The following COMMD1 variants were observed in gnomAD, a reference collection of about 807,000 sequenced individuals.
COMMD1 encodes the protein copper metabolism domain containing 1, also known as COMM domain-containing protein 1.
Under a neutral mutation model 17.2 loss-of-function variants are expected in COMMD1, and 10 were observed. The observed-to-expected ratio is 0.58, with a 90% CI of 0.36 to 0.99. The LOEUF is 0.99. Among genes scored for constraint, COMMD1 ranks in the 50% least tolerant of loss-of-function variants. The pLI, the probability that COMMD1 is intolerant of heterozygous loss-of-function variation, is 0.01. For synonymous variants in COMMD1, 97 were observed against 91.6 expected (o/e 1.06, Z -0.34); for missense variants, 270 against 231.8 (o/e 1.17, Z -1.07).
chr2:62,057,694 C>T (rs557951729), intron 2 of COMMD1, among the ~76,000 whole-genome samples: 3 of 151,942 alleles, frequency 2.0e-5, no homozygotes, highest in Admixed American at 6.6e-5. Flanking sequence ...TTCAGCCTCC[C>T]GAGTAGCTGG....
chr2:61,956,551 A>G (rs1469796114), intron 1 of COMMD1, among the ~76,000 whole-genome samples: 1 of 151,792 alleles, frequency 6.6e-6, no homozygotes, highest in Non-Finnish European at 1.5e-5. Flanking sequence ...CTGGGATTAC[A>G]GGTGCGCACC....
chr2:62,084,998 A>C (rs1671620268), intron 2 of COMMD1: 1 of 152,226 alleles, frequency 6.6e-6, no homozygotes, highest in Non-Finnish European at 1.5e-5. Flanking sequence ...AGAGCTATAA[A>C]AACATTATCT....
chr2:62,108,218 A>G (rs1286970739), intron 2 of COMMD1, among the ~76,000 whole-genome samples: 4 of 152,212 alleles, frequency 2.6e-5, no homozygotes, highest in Non-Finnish European at 5.9e-5. Context: ...TTTTAAATAC[A>G]TAACTCATCC....
intron 2 of COMMD1, among the ~76,000 whole-genome samples, chr2:62,027,518 A>G (rs1669791455): frequency 1.3e-5 from 2 of 152,180 alleles, no homozygotes; most frequent in South Asian, 4.1e-4. Flanking sequence ...TTAGAACTGT[A>G]TTGAATATGG....
At position 61,986,564 on chromosome 2, in the gene COMMD1, C is replaced by CTTTT. The variant is rs70946773; in HGVS notation, c.181-14119_181-14116dup. On this transcript the variant is annotated intron_variant, in intron 1 of 2. Coordinates refer to ENST00000311832, the MANE Select transcript of COMMD1 (RefSeq NM_152516.4). Reference sequence around the variant, plus strand: ...TCTAAATAATCTCGTAGGCATCATTCTTTTTTTTTTTTTTTTTTTTTGGAG... The same window carrying CTTTT: ...TCTAAATAATCTCGTAGGCATCATTCTTTTTTTTTTTTTTTTTTTTTTTTTGGAG... Among the ~76,000 whole-genome samples the CTTTT allele has an allele frequency of 2.2e-3, 210 of 94,400 alleles. 2 individuals carry two copies. The highest frequency in any genetic ancestry group is 2.9e-3 in the Non-Finnish European group (134 of 45,474). The allele number at this position is 94,400 out of a possible 152,430, so 61.9% of individuals were successfully genotyped here.
intron 1 of COMMD1, among the ~76,000 whole-genome samples, chr2:61,949,425 T>G (rs1215589977): frequency 6.6e-6 from 1 of 152,152 alleles, no homozygotes; most frequent in African/African-American, 2.4e-5. Context: ...AAGCCTTAGA[T>G]TCTAACCCAG....
intron 2 of COMMD1, among the ~76,000 whole-genome samples, chr2:62,056,786 A>T (rs900234889): frequency 5.9e-5 from 9 of 152,226 alleles, no homozygotes; most frequent in African/African-American, 2.2e-4. Flanking sequence ...CCATTTGTGA[A>T]TAAGCCAGTG....
intron 1 of COMMD1, among the ~76,000 whole-genome samples, chr2:61,928,231 C>G (rs573924889): frequency 7.2e-5 from 11 of 152,160 alleles, no homozygotes; most frequent in African/African-American, 2.6e-4. Context: ...GGTACAATCT[C>G]GGCACATTAC....
chr2:62,135,109 C>A (rs574943227), intron 2 of COMMD1, among the ~76,000 whole-genome samples: 1 of 152,268 alleles, frequency 6.6e-6, no homozygotes, highest in South Asian at 2.1e-4. Context: ...TCGGCGTCAT[C>A]CAGAGCTGAG....
intron 2 of COMMD1, among the ~76,000 whole-genome samples, chr2:62,041,182 CATATA>C (rs1004322626): frequency 2.6e-5 from 4 of 152,314 alleles, no homozygotes; most frequent in Admixed American, 6.5e-5. Flanking sequence ...CATCATCTAA[CATATA>C]ATATGTTTCA....
chr2:62,083,154 C>T (rs1277004942), intron 2 of COMMD1, among the ~76,000 whole-genome samples: 1 of 152,022 alleles, frequency 6.6e-6, no homozygotes, highest in East Asian at 1.9e-4. Flanking sequence ...ATCTACTCGA[C>T]ATAATGCCTA....
intron 1 of COMMD1, among the ~76,000 whole-genome samples, chr2:61,974,809 A>AT (rs1558543864): frequency 6.6e-6 from 1 of 152,022 alleles, no homozygotes; most frequent in Non-Finnish European, 1.5e-5. Flanking sequence ...AGTTTCCCCT[A>AT]TTAATATCTT....
intron 1 of COMMD1, among the ~76,000 whole-genome samples, chr2:61,931,063 G>A (rs954507586): frequency 2.6e-5 from 4 of 152,044 alleles, no homozygotes; most frequent in South Asian, 2.1e-4. Context: ...TGTAATCCTC[G>A]CACTTTGGGA....
chr2:61,973,423 G>A (rs1478539444), intron 1 of COMMD1, among the ~76,000 whole-genome samples: 1 of 152,128 alleles, frequency 6.6e-6, no homozygotes, highest in Non-Finnish European at 1.5e-5. Context: ...ATTCACTATC[G>A]TGGGGCATTT....
intron 2 of COMMD1, among the ~76,000 whole-genome samples, chr2:62,117,380 C>T (rs1672636953): frequency 1.3e-5 from 2 of 152,176 alleles, no homozygotes; most frequent in East Asian, 3.8e-4. Context: ...TTAAAGTTAA[C>T]TGAATCTTAG....
At chr2:62,115,254 A>G (rs911164899) in intron 2 of COMMD1, among the ~76,000 whole-genome samples, 2 of 152,260 alleles carry the variant, frequency 1.3e-5, no homozygotes, top group African/African-American at 4.8e-5. Context: ...TTCAAAGCCC[A>G]TGTTCACTAA....
At chr2:61,987,454 G>A (rs1035169512) in intron 1 of COMMD1, among the ~76,000 whole-genome samples, 1 of 152,144 alleles carries the variant, frequency 6.6e-6, no homozygotes, top group African/African-American at 2.4e-5. Context: ...GTACCACCTT[G>A]GTGGTCTTGG....
At chr2:62,070,704 A>G (rs1225891055) in intron 2 of COMMD1, among the ~76,000 whole-genome samples, 2 of 152,238 alleles carry the variant, frequency 1.3e-5, no homozygotes, top group African/African-American at 4.8e-5. Context: ...GGATGAGTCC[A>G]TAGAATAAAG....
chr2:62,003,338 G>A (rs1291964563), intron 2 of COMMD1, among the ~76,000 whole-genome samples: 1 of 151,422 alleles, frequency 6.6e-6, no homozygotes, highest in Non-Finnish European at 1.5e-5. Context: ...TCAGGAGATC[G>A]AGACCATCCT....
Sources: allele counts gnomAD v4.1 joint callset (sites outside exome capture counted in the v4.1 genomes callset), GRCh38; gene constraint gnomAD v4.1.1; transcripts MANE v1.5; gene names NCBI Gene and HGNC (gene_info 2026-07-23, HGNC 2026-07-21).